PTPRD: variants seen among roughly 807,000 people sequenced by gnomAD.
PTPRD encodes the protein protein tyrosine phosphatase receptor type D.
PTPRD carries 34 observed loss-of-function variants against 214.5 expected under a neutral mutation model. The ratio of observed to expected loss-of-function variants is 0.16; its 90% CI spans 0.12 to 0.21. The LOEUF (loss-of-function observed/expected upper bound fraction) is 0.21. Ranked by LOEUF, PTPRD falls within the 10% of genes least tolerant of loss-of-function variation. PTPRD has a pLI of 1.00. For synonymous variants in PTPRD, 1,128 were observed against 845.7 expected (o/e 1.33, Z -5.79); for missense variants, 2,545 against 2,398.7 (o/e 1.06, Z -1.27).
chr9:8,610,139 G>A (rs1430123746), intron 14 of PTPRD, among the ~76,000 whole-genome samples: 1 of 143,766 alleles, frequency 7.0e-6, no homozygotes, highest in Non-Finnish European at 1.5e-5. Context: ...TTTTTGTTAA[G>A]TGATCTTTAT....
chr9:9,247,348 C>A (rs1004063229), intron 9 of PTPRD, among the ~76,000 whole-genome samples: 1 of 151,514 alleles, frequency 6.6e-6, no homozygotes, highest in African/African-American at 2.4e-5. Context: ...GCTGTCCACT[C>A]TTCATGGAAT....
At chr9:10,537,869 C>G (rs1013912357) in intron 2 of PTPRD, among the ~76,000 whole-genome samples, 1 of 152,086 alleles carries the variant, frequency 6.6e-6, no homozygotes, top group African/African-American at 2.4e-5. Flanking sequence ...GATCAGCACC[C>G]TTATAGTGTA....
intron 6 of PTPRD, among the ~76,000 whole-genome samples, chr9:9,744,751 G>T (rs1170307821): frequency 2.0e-5 from 3 of 151,940 alleles, no homozygotes; most frequent in Non-Finnish European, 4.4e-5. Context: ...TCCTAGCCTG[G>T]TATGCTTGAT....
At chr9:8,729,089 G>T (rs1040060763) in intron 12 of PTPRD, among the ~76,000 whole-genome samples, 1 of 152,120 alleles carries the variant, frequency 6.6e-6, no homozygotes, top group African/African-American at 2.4e-5. Context: ...TTCTGAAGAG[G>T]CACTGTATTA....
intron 5 of PTPRD, among the ~76,000 whole-genome samples, chr9:9,862,475 T>C (rs974010694): frequency 1.3e-5 from 2 of 152,240 alleles, no homozygotes; most frequent in African/African-American, 2.4e-5. Context: ...GCCATCTTCC[T>C]TGGGCTTAGG....
intron 14 of PTPRD, among the ~76,000 whole-genome samples, chr9:8,546,968 G>A (rs769057220): frequency 4.6e-5 from 7 of 152,166 alleles, no homozygotes; most frequent in African/African-American, 9.7e-5. Flanking sequence ...CCGTATGCAC[G>A]TTCCAACTAT....
intron 37 of PTPRD, among the ~76,000 whole-genome samples, chr9:8,380,227 A>C (rs539714502): frequency 6.6e-6 from 1 of 152,198 alleles, no homozygotes; most frequent in South Asian, 2.1e-4. Flanking sequence ...TCAAGGTGAC[A>C]TAAGACCCAG....
At chr9:9,293,458 C>G (rs1412572708) in intron 9 of PTPRD, among the ~76,000 whole-genome samples, 2 of 149,864 alleles carry the variant, frequency 1.3e-5, no homozygotes, top group Admixed American at 6.7e-5. Context: ...CCAGGCATAT[C>G]TTGTGTAGTT....
chr9:10,060,787 T>C (rs1567402985), intron 3 of PTPRD, among the ~76,000 whole-genome samples: 1 of 126,876 alleles, frequency 7.9e-6, no homozygotes, highest in Non-Finnish European at 1.5e-5. Context: ...TTTCTTTCTT[T>C]CTTTCTTTCT....
intron 3 of PTPRD, among the ~76,000 whole-genome samples, chr9:10,297,322 C>G (rs1186960087): frequency 6.6e-6 from 1 of 151,642 alleles, no homozygotes; most frequent in South Asian, 2.1e-4. Flanking sequence ...AAATAAATTA[C>G]AAGAAACTGT....
At chr9:8,842,088 G>C (rs543115470) in intron 11 of PTPRD, among the ~76,000 whole-genome samples, 2 of 150,080 alleles carry the variant, frequency 1.3e-5, no homozygotes, top group African/African-American at 4.9e-5. Context: ...GTATAACAAT[G>C]AGAATGAAAA....
chr9:9,546,152 T>A (rs1181091442), intron 8 of PTPRD, among the ~76,000 whole-genome samples: 2 of 151,648 alleles, frequency 1.3e-5, no homozygotes, highest in Non-Finnish European at 3.0e-5. Context: ...CAGTGAAATT[T>A]TGTTTTGTTT....
chr9:8,976,317 G>A (rs1043585551), intron 11 of PTPRD, among the ~76,000 whole-genome samples: 1 of 152,028 alleles, frequency 6.6e-6, no homozygotes, highest in East Asian at 1.9e-4. Flanking sequence ...TGGAATAAGT[G>A]ACCTAGTTCA....
At chr9:10,043,083 G>A (rs957588210) in intron 3 of PTPRD, among the ~76,000 whole-genome samples, 1 of 151,808 alleles carries the variant, frequency 6.6e-6, no homozygotes, top group African/African-American at 2.4e-5. Flanking sequence ...CACAAACAGA[G>A]GGCAGTAAGA....
At chr9:9,111,009 G>C (rs1477125427) in intron 10 of PTPRD, among the ~76,000 whole-genome samples, 1 of 151,888 alleles carries the variant, frequency 6.6e-6, no homozygotes, top group Admixed American at 6.6e-5. Flanking sequence ...TCTGTGATTG[G>C]CACTGGGTAC....
intron 14 of PTPRD, among the ~76,000 whole-genome samples, chr9:8,566,366 A>C (rs2089196427): frequency 6.6e-6 from 1 of 152,184 alleles, no homozygotes; most frequent in African/African-American, 2.4e-5. Flanking sequence ...TAAGTAACAG[A>C]CAGCAGACTA....
chr9:9,382,560 C>T (rs1268536574), intron 9 of PTPRD, among the ~76,000 whole-genome samples: 2 of 151,958 alleles, frequency 1.3e-5, no homozygotes, highest in African/African-American at 4.8e-5. Flanking sequence ...CAAACAACCA[C>T]AAGGCATATT....
chr9:10,552,501 T>A (rs982396373), intron 2 of PTPRD, among the ~76,000 whole-genome samples: 6 of 152,128 alleles, frequency 3.9e-5, no homozygotes, highest in Non-Finnish European at 7.3e-5. Flanking sequence ...TGTGTAACAG[T>A]GTCTTGACCC....
At chr9:9,784,329 G>T (rs1013101473) in intron 5 of PTPRD, among the ~76,000 whole-genome samples, 1 of 151,734 alleles carries the variant, frequency 6.6e-6, no homozygotes, top group African/African-American at 2.4e-5. Context: ...TGAATATTAA[G>T]AAAAAAATCT....
Sources: gnomAD v4.1 joint callset for allele counts (sites outside exome capture counted in the v4.1 genomes callset) on GRCh38, gnomAD v4.1.1 for gene constraint, MANE v1.5 for transcripts, NCBI Gene and HGNC (gene_info 2026-07-23, HGNC 2026-07-21) for gene names.